Variants in CHD5 observed in about 807,000 individuals in gnomAD.
CHD5 encodes the protein ATP-dependent chromatin remodeler CHD5.
A neutral mutation model predicts 230.3 loss-of-function variants in CHD5; 69 were observed. That is an observed-to-expected ratio of 0.30 (90% CI 0.25 to 0.37). The LOEUF is 0.37. Among genes scored for constraint, CHD5 ranks in the 10% least tolerant of loss-of-function variants. The probability of loss-of-function intolerance (pLI) is 1.00; values close to 1 mark genes in which losing one functional copy is unlikely to be tolerated. For synonymous variants in CHD5, 1,064 were observed against 1,065.9 expected, an observed-to-expected ratio of 1.00 and a Z score of 0.03; for missense variants, 1,827 against 2,622.8, an observed-to-expected ratio of 0.70 and a Z score of 6.63.
At position 6,135,155 on chromosome 1, in the gene CHD5, C is replaced by G. The variant is rs1666718818; in HGVS notation, c.2870+75G>C. On this transcript the variant is annotated intron_variant, in intron 18 of 41. Coordinates refer to ENST00000262450, the MANE Select transcript of CHD5 (RefSeq NM_015557.3). ...TGAGGCTGAAGAGCCCTCCGCCCACCTGGGAATCGACCCAGGAGACCAGCC... is the reference window on the plus strand; with the variant it reads ...TGAGGCTGAAGAGCCCTCCGCCCACGTGGGAATCGACCCAGGAGACCAGCC... 5.7e-6 allele frequency: 9 copies of G among 1,566,088 alleles called. No individual in the cohort carries two copies. In the Admixed American group the frequency reaches 1.0e-4, roughly 18 times the overall value.
At chr1:6,106,867 G>A (rs1666179597) in intron 38 of CHD5, 88 bp from the exon 39 acceptor site, 3 of 616,154 alleles carry the variant, frequency 4.9e-6, no homozygotes, top group Admixed American at 3.4e-5. Context: ...TGGAGGGGTG[G>A]AGGGGTGGAG....
chr1:6,113,143 G>A (rs530247100), intron 33 of CHD5, 145 bp from the exon 34 acceptor site: 21 of 659,136 alleles, frequency 3.2e-5, no homozygotes, highest in African/African-American at 5.4e-5. Context: ...AGCTCTCCTC[G>A]GCCAGGTGCA....
intron 2 of CHD5, among the ~76,000 whole-genome samples, chr1:6,165,430 C>A (rs529303456): frequency 6.6e-6 from 1 of 152,296 alleles, no homozygotes; most frequent in African/African-American, 2.4e-5. Flanking sequence ...CCAGGTGACA[C>A]TGCCCCTCTT....
At chr1:6,124,191 G>A in intron 30 of CHD5, 84 bp from the exon 31 acceptor site, 2 of 1,300,528 alleles carry the variant, frequency 1.5e-6, no homozygotes, top group South Asian at 1.3e-5. Context: ...GGCAGCCAGG[G>A]GGGCTGAAAG....
At chr1:6,107,733 GGGATGAT>G (rs1467879160) in intron 38 of CHD5, among the ~76,000 whole-genome samples, 4 of 113,216 alleles carry the variant, frequency 3.5e-5, no homozygotes, top group East Asian at 3.8e-4. Context: ...GGAGGGATGA[GGGATGAT>G]GGATGATGGA....
At chr1:6,141,969 A>T (rs1160582301) in intron 15 of CHD5, among the ~76,000 whole-genome samples, 159 bp downstream of exon 15, 4 of 152,230 alleles carry the variant, frequency 2.6e-5, no homozygotes, top group Admixed American at 2.6e-4. Flanking sequence ...CAGAAAACTG[A>T]CATGGCTGTA....
At chr1:6,123,900 C>A in intron 31 of CHD5, 48 bp downstream of exon 31, 1 of 1,362,438 alleles carries the variant, frequency 7.3e-7, no homozygotes, top group Non-Finnish European at 9.6e-7. Context: ...GTGACCTTGC[C>A]ACTTTCCATG....
At chr1:6,163,581 C>T (rs1260402917) in intron 2 of CHD5, among the ~76,000 whole-genome samples, 1 of 152,174 alleles carries the variant, frequency 6.6e-6, no homozygotes, top group Non-Finnish European at 1.5e-5. Flanking sequence ...CTGAAAACAC[C>T]TAGCAGAGCA....
chr1:6,162,150 G>A (rs560787189), intron 2 of CHD5, among the ~76,000 whole-genome samples: 12 of 152,178 alleles, frequency 7.9e-5, no homozygotes, highest in Non-Finnish European at 1.6e-4. Flanking sequence ...GGGAGGCCGA[G>A]GCGGGCAGAT....
In CHD5 at chr1:6,134,873, C is replaced by A. The variant is rs762835412; in HGVS notation, c.2871-14G>T. On this transcript the variant is annotated splice_polypyrimidine_tract_variant and intron_variant, in intron 18 of 41. Coordinates refer to ENST00000262450, the MANE Select transcript of CHD5 (RefSeq NM_015557.3). The surrounding 1 kb of genome is among the most constrained non-coding windows in gnomAD (Gnocchi z 6.3). ...TTGTAGTACTTCCTGCAGCAGGGCA[C>A]GAGGAAAGGCAGGCTGGGTCAGACC... The A allele has an allele frequency of 3.1e-6, 5 of 1,613,914 alleles. No individual in the cohort carries two copies. The highest frequency in any genetic ancestry group is 4.2e-6 in the Non-Finnish European group (5 of 1,179,926).
Position 6,151,831 on chromosome 1 carries a change from T to G in CHD5, c.870+581A>C, listed in dbSNP as rs117167809. Among the ~76,000 whole-genome samples, 475 of 152,230 alleles carry G rather than the reference T, an allele frequency of 3.1e-3. 14 individuals carry two copies. The East Asian group carries it at 0.082, about 26-fold the overall frequency. On this transcript the variant is annotated intron_variant, in intron 6 of 41. Transcript: ENST00000262450. ...GGGTGAGGTGAGGGAGGCAGCTACC[T>G]GTGGGGGTGAGGAGGGCGAATGCCC...
At chr1:6,178,513 C>G (rs1409075342) in intron 1 of CHD5, among the ~76,000 whole-genome samples, 1 of 152,060 alleles carries the variant, frequency 6.6e-6, no homozygotes, top group Non-Finnish European at 1.5e-5. Context: ...AAAATGGCCA[C>G]TGATTTTTTT....
chr1:6,105,209 G>C lies in CHD5; in HGVS notation c.*265C>G. On this transcript the variant is annotated 3_prime_UTR_variant, in exon 42 of 42. Coordinates refer to ENST00000262450, the MANE Select transcript of CHD5 (RefSeq NM_015557.3). This position sits in a 1 kb window ranked among gnomAD's most constrained non-coding sequence, Gnocchi z 4.8. ...AAGTCGTCTGGAAAAGGTGGCGAGG[G>C]GGCACGTCCGGCGTGGTTGTGGGGG... 1 of 348,708 alleles carries C rather than the reference G, an allele frequency of 2.9e-6. No homozygotes were observed. The allele number at this position is 348,708 out of a possible 1,614,324, so 21.6% of individuals were successfully genotyped here.
Position 6,146,709 on chromosome 1 carries a change from C to A in CHD5, c.1546G>T (p.Ala516Ser), listed in dbSNP as rs1666917420. The A allele has an allele frequency of 6.2e-7, 1 of 1,613,732 alleles. No individual in the cohort carries two copies. The highest frequency in any genetic ancestry group is 8.5e-7 in the Non-Finnish European group (1 of 1,179,900). The change falls in exon 10 of 42, where the codon GCA becomes TCA. Residue 516 changes from alanine to serine, a missense_variant. By Grantham distance (99) the Ala-to-Ser change is moderately conservative (BLOSUM62 1). Transcript: ENST00000262450. This position sits in a 1 kb window ranked among gnomAD's most constrained non-coding sequence, Gnocchi z 5.1. ...GAGCAATGCCAGTAGGACAGCCCTGCCCACTTGACAAAGAACTCTCTCTCA... is the reference window on the plus strand; with the variant it reads ...GAGCAATGCCAGTAGGACAGCCCTGACCACTTGACAAAGAACTCTCTCTCA... The part of the protein sequence containing the change: ...IPEREFFVKW[A>S]GLSYWHCSWV...
At chr1:6,175,426 C>T (rs542934912) in intron 1 of CHD5, among the ~76,000 whole-genome samples, 11 of 133,102 alleles carry the variant, frequency 8.3e-5, no homozygotes, top group South Asian at 2.5e-4. Flanking sequence ...GGATGGATGA[C>T]GGGTGGATAG....
At position 6,128,136 on chromosome 1, in the gene CHD5, G is replaced by A. The variant is rs201484104; in HGVS notation, c.3813C>T (p.Asp1271=). The change falls in exon 25 of 42, where the codon GAC becomes GAT. Residue 1271 remains aspartate (D), a synonymous_variant. Coordinates refer to ENST00000262450, the MANE Select transcript of CHD5 (RefSeq NM_015557.3). The surrounding 1 kb of genome is among the most constrained non-coding windows in gnomAD (Gnocchi z 7.8). ...TCTGTAGCTCCGTGTCATCTGTAGC[G>A]TCCTGGTTCCGGTCCAGCAGCTTGG... ...AISKLLDRNQ[D]ATDDTELQNM... is the part of the protein sequence containing the mutation. 39 of 1,614,114 alleles carry A rather than the reference G, an allele frequency of 2.4e-5. No homozygotes were observed. In the African/African-American group the frequency reaches 4.4e-4, roughly 18 times the overall value.
intron 3 of CHD5, among the ~76,000 whole-genome samples, chr1:6,158,050 C>T (rs1667107064): frequency 6.6e-6 from 1 of 152,176 alleles, no homozygotes; most frequent in Non-Finnish European, 1.5e-5. Flanking sequence ...TGTGACCAGC[C>T]CAAACCGAGC....
intron 33 of CHD5, among the ~76,000 whole-genome samples, chr1:6,113,855 C>T (rs1223740964): frequency 6.6e-6 from 1 of 152,194 alleles, no homozygotes; most frequent in African/African-American, 2.4e-5. Context: ...AAGCTGCTCC[C>T]AGAGGGACAC....
chr1:6,110,512 C>T lies in CHD5; in HGVS notation c.5264G>A (p.Arg1755His), dbSNP rs1297262403. 4.5e-6 allele frequency: 7 copies of T among 1,564,446 alleles called. No individual in the cohort carries two copies. Among genetic ancestry groups the T allele is most frequent in the African/African-American group, 1.4e-5 (1 of 73,116 alleles). ...TGGGTCATTCTGGATGTCCTGCCAG[C>T]GGGCGTAGCCGTGCCTGGGTGGGGC... ...LAGIVTHGYA[R>H]WQDIQNDPRY... Residue 1755 changes from arginine (R) to histidine (H), a missense_variant, in exon 37 of 42, where the codon CGC (arginine) becomes CAC (histidine). Physicochemically the swap from Arg to His is conservative, Grantham distance 29. Transcript: ENST00000262450.
Sources: allele counts gnomAD v4.1 joint callset (sites outside exome capture counted in the v4.1 genomes callset), GRCh38; gene constraint gnomAD v4.1.1; non-coding constraint Gnocchi (gnomAD v3.1); transcripts MANE v1.5; gene names NCBI Gene and HGNC (gene_info 2026-07-23, HGNC 2026-07-21).